CLSTN2: variants seen among roughly 807,000 people sequenced by gnomAD.
CLSTN2 encodes the protein calsyntenin-2.
In CLSTN2, 48 loss-of-function variants were observed where a neutral mutation model predicts 101.2. The observed-to-expected ratio is 0.47, with a 90% CI of 0.38 to 0.60. The LOEUF (loss-of-function observed/expected upper bound fraction) is 0.60, where lower values mean the gene tolerates loss of function less well. CLSTN2 is among the 20% of genes least tolerant of loss of function. The pLI is 0.00. For synonymous variants in CLSTN2, 481 were observed against 463.6 expected, an observed-to-expected ratio of 1.04 and a Z score of -0.48; for missense variants, 1,160 against 1,238.2, an observed-to-expected ratio of 0.94 and a Z score of 0.95.
intron 8 of CLSTN2, among the ~76,000 whole-genome samples, chr3:140,494,694 T>A (rs1156537015): frequency 6.6e-6 from 1 of 152,208 alleles, no homozygotes; most frequent in African/African-American, 2.4e-5. Context: ...AGCTCTGACT[T>A]ATAAGTGAGA....
intron 1 of CLSTN2, among the ~76,000 whole-genome samples, chr3:139,937,526 T>G (rs1265885576): frequency 6.7e-6 from 1 of 149,422 alleles, no homozygotes; most frequent in Non-Finnish European, 1.5e-5. Context: ...CACCTGAGGT[T>G]AGGGGTTCGA....
intron 1 of CLSTN2, among the ~76,000 whole-genome samples, chr3:140,173,104 C>G (rs1219411802): frequency 6.6e-6 from 1 of 152,182 alleles, no homozygotes; most frequent in Non-Finnish European, 1.5e-5. Flanking sequence ...CAAGGCAAGT[C>G]CCCTCTGCCT....
intron 5 of CLSTN2, among the ~76,000 whole-genome samples, chr3:140,443,956 C>T (rs1329256268): frequency 6.6e-6 from 1 of 152,222 alleles, no homozygotes; most frequent in African/African-American, 2.4e-5. Context: ...AGTGTCAAAG[C>T]AAACCTCCAG....
chr3:140,135,161 T>TATATAA (rs1553801612), intron 1 of CLSTN2, among the ~76,000 whole-genome samples: 2 of 98,890 alleles, frequency 2.0e-5, no homozygotes, highest in African/African-American at 6.5e-5. Context: ...TATATATATA[T>TATATAA]AAAATATGCT....
intron 4 of CLSTN2, among the ~76,000 whole-genome samples, chr3:140,411,939 A>G (rs1347112116): frequency 6.6e-6 from 1 of 152,192 alleles, no homozygotes; most frequent in Non-Finnish European, 1.5e-5. Flanking sequence ...GCTGGTAGAG[A>G]AAAACAGACC....
chr3:140,259,762 C>A (rs575727618), intron 2 of CLSTN2, among the ~76,000 whole-genome samples: 1 of 152,192 alleles, frequency 6.6e-6, no homozygotes, highest in African/African-American at 2.4e-5. Flanking sequence ...ATCTTTCACT[C>A]AGCATCATAA....
chr3:139,961,931 C>T (rs973154515), intron 1 of CLSTN2, among the ~76,000 whole-genome samples: 1 of 152,000 alleles, frequency 6.6e-6, no homozygotes, highest in Non-Finnish European at 1.5e-5. Flanking sequence ...TCACTTAACA[C>T]TAGCACATAA....
At chr3:140,056,498 A>G (rs1222961524) in intron 1 of CLSTN2, among the ~76,000 whole-genome samples, 1 of 152,206 alleles carries the variant, frequency 6.6e-6, no homozygotes, top group Non-Finnish European at 1.5e-5. Flanking sequence ...TGAGGACAGG[A>G]CTGAACTCTG....
At chr3:140,126,739 T>TCTTTCAAG (rs2009439920) in intron 1 of CLSTN2, among the ~76,000 whole-genome samples, 1 of 152,168 alleles carries the variant, frequency 6.6e-6, no homozygotes, top group South Asian at 2.1e-4. Context: ...TCAGCTTTAT[T>TCTTTCAAG]CTTTCAAGCA....
intron 2 of CLSTN2, among the ~76,000 whole-genome samples, chr3:140,402,584 T>G (rs2088254681): frequency 6.6e-6 from 1 of 152,144 alleles, no homozygotes; most frequent in African/African-American, 2.4e-5. Context: ...GGACCTGGAC[T>G]AGGGTGAGGC....
intron 2 of CLSTN2, among the ~76,000 whole-genome samples, chr3:140,250,509 A>C (rs576177796): frequency 6.6e-6 from 1 of 152,312 alleles, no homozygotes; most frequent in East Asian, 1.9e-4. Flanking sequence ...TGAACAATCT[A>C]TTTCAATTAC....
At chr3:140,427,272 TAAAG>T (rs576998322) in intron 5 of CLSTN2, among the ~76,000 whole-genome samples, 84 of 138,406 alleles carry the variant, frequency 6.1e-4, no homozygotes, top group African/African-American at 2.1e-3. Context: ...AATTAAAAAA[TAAAG>T]AGAGAACAGG....
rs201920134 is a variant in CLSTN2, at chr3:140,562,829, G to A, written c.2231G>A (p.Arg744His). The A allele has an allele frequency of 1.8e-4, 295 of 1,613,958 alleles. 3 individuals are homozygous for A. The South Asian group carries it at 2.1e-3, about 11-fold the overall frequency. The change falls in exon 14 of 17, where the codon CGC becomes CAC. Residue 744 changes from arginine to histidine, a missense_variant. Arg to His is a conservative substitution (Grantham distance 29, BLOSUM62 0). Coordinates refer to ENST00000458420, the MANE Select transcript of CLSTN2 (RefSeq NM_022131.3). ...YSIYGVGSMS[R>H]YEQVLHHIRY... is the part of the protein sequence containing the mutation. ...GGCACAGGTGTGGGCTCCATGAGCC[G>A]CTATGAGCAGGTGCTACATCACATC...
chr3:140,261,688 T>A (rs1257638192), intron 2 of CLSTN2, among the ~76,000 whole-genome samples: 1 of 152,208 alleles, frequency 6.6e-6, no homozygotes. Flanking sequence ...TATATACATA[T>A]CTACATATTG....
At chr3:140,072,395 A>C (rs1400198324) in intron 1 of CLSTN2, among the ~76,000 whole-genome samples, 1 of 152,236 alleles carries the variant, frequency 6.6e-6, no homozygotes, top group Non-Finnish European at 1.5e-5. Flanking sequence ...TCATAGCCTT[A>C]TAGTTCTTCT....
At chr3:140,161,105 G>T (rs2010040035) in intron 1 of CLSTN2, among the ~76,000 whole-genome samples, 1 of 152,176 alleles carries the variant, frequency 6.6e-6, no homozygotes, top group African/African-American at 2.4e-5. Context: ...ATTTTGGGAT[G>T]TATGCCTTAG....
intron 2 of CLSTN2, among the ~76,000 whole-genome samples, chr3:140,344,161 A>G (rs2107938008): frequency 6.6e-6 from 1 of 152,314 alleles, no homozygotes; most frequent in Middle Eastern, 3.4e-3. Flanking sequence ...ATACAACAGT[A>G]AGCATTTATT....
intron 2 of CLSTN2, among the ~76,000 whole-genome samples, chr3:140,323,288 C>T (rs1178023187): frequency 6.6e-6 from 1 of 152,150 alleles, no homozygotes; most frequent in East Asian, 1.9e-4. Flanking sequence ...CTAGTTCAGC[C>T]TCTGATGCCA....
At chr3:140,472,068 A>T (rs1181411045) in intron 8 of CLSTN2, among the ~76,000 whole-genome samples, 1 of 151,716 alleles carries the variant, frequency 6.6e-6, no homozygotes, top group African/African-American at 2.4e-5. Context: ...CCCCTGCCCT[A>T]CCTCCCACAG....
Sources: allele counts gnomAD v4.1 joint callset (sites outside exome capture counted in the v4.1 genomes callset), GRCh38; gene constraint gnomAD v4.1.1; transcripts MANE v1.5; gene names NCBI Gene and HGNC (gene_info 2026-07-23, HGNC 2026-07-21).